The following CHST4 variants were observed in gnomAD, a reference collection of about 807,000 sequenced individuals.
CHST4 encodes carbohydrate sulfotransferase 4.
For missense variants in CHST4, 466 were observed against 506.0 expected (o/e 0.92, Z 0.76); for synonymous variants, 171 against 195.5 (o/e 0.87, Z 1.05).
chr16:71,530,501 C>T (rs562208446), intron 1 of CHST4, among the ~76,000 whole-genome samples: 8 of 152,186 alleles, frequency 5.3e-5, no homozygotes, highest in Non-Finnish European at 1.2e-4. Flanking sequence ...TGCGGTGGCT[C>T]ACACCTGTAA....
chr16:71,527,575 T>C (rs112144792), intron 1 of CHST4, among the ~76,000 whole-genome samples: 7,922 of 152,092 alleles, frequency 0.052, 678 homozygotes, highest in African/African-American at 0.18. Flanking sequence ...GGCGAAACCC[T>C]GTCTGTACTA....
intron 1 of CHST4, among the ~76,000 whole-genome samples, chr16:71,531,287 C>G (rs1177266507): frequency 6.6e-6 from 1 of 152,090 alleles, no homozygotes; most frequent in Non-Finnish European, 1.5e-5. Flanking sequence ...TGCCAGGGCC[C>G]AGGAGCATCT....
intron 1 of CHST4, among the ~76,000 whole-genome samples, chr16:71,530,149 TA>T (rs748094582): frequency 2.8e-4 from 40 of 142,068 alleles, no homozygotes; most frequent in Admixed American, 4.9e-4. Flanking sequence ...AAAATAAAAT[TA>T]AAAAAAAAAA....
At chr16:71,527,509 A>T (rs1011805680) in intron 1 of CHST4, among the ~76,000 whole-genome samples, 6 of 152,128 alleles carry the variant, frequency 3.9e-5, no homozygotes, top group Non-Finnish European at 8.8e-5. Context: ...CACTTTGGGA[A>T]GCTGAGGCAG....
intron 1 of CHST4, among the ~76,000 whole-genome samples, chr16:71,528,039 A>G (rs2043920847): frequency 6.6e-6 from 1 of 152,030 alleles, no homozygotes; most frequent in African/African-American, 2.4e-5. Context: ...TCACAGCACT[A>G]TTAGGAGACT....
In CHST4 at chr16:71,536,750, C is replaced by T. The variant is rs376647915; in HGVS notation, c.73C>T (p.His25Tyr). Residue 25 changes from histidine (H) to tyrosine (Y), a missense_variant, in exon 2 of 2, where the codon CAC (histidine) becomes TAC (tyrosine). By Grantham distance (83) the His-to-Tyr change is moderately conservative. Transcript: ENST00000539698. The part of the protein sequence containing the change: ...SQMAILALFF[H>Y]MYSHNISSLS... ...GATGGCCATCTTGGCTCTATTCTTC[C>T]ACATGTACAGCCACAACATCAGCTC... The T allele has an allele frequency of 7.5e-5, 113 of 1,506,188 alleles. 1 individual carries two copies. Among genetic ancestry groups the T allele is most frequent in the Non-Finnish European group, 5.2e-5 (59 of 1,128,664 alleles). The allele number at this position is 1,506,188 out of a possible 1,614,324, so 93.3% of individuals were successfully genotyped here.
At position 71,530,358 on chromosome 16, in the gene CHST4, G is replaced by T. The variant is rs560214717; in HGVS notation, c.-19+3863G>T. Among the ~76,000 whole-genome samples the T allele has an allele frequency of 2.6e-4, 40 of 152,332 alleles. 2 individuals carry two copies. In the South Asian group the frequency reaches 8.3e-3, roughly 32 times the overall value. ...ACAGAAGGGAGTGACAGGAAATCAA[G>T]ACCAGGCCATGAAGGACCCCAGGTG... On this transcript the variant is annotated intron_variant, in intron 1 of 1. Transcript: ENST00000539698.
chr16:71,529,757 C>G (rs1219760684), intron 1 of CHST4, among the ~76,000 whole-genome samples: 2 of 151,920 alleles, frequency 1.3e-5, no homozygotes, highest in Non-Finnish European at 2.9e-5. Flanking sequence ...ACAGCCTTTC[C>G]CTTAAGCTAT....
At chr16:71,533,012 A>G (rs532265876) in intron 1 of CHST4, among the ~76,000 whole-genome samples, 65 of 152,340 alleles carry the variant, frequency 4.3e-4, no homozygotes, top group African/African-American at 1.5e-3. Context: ...AGCACAGAAC[A>G]GATAACTTGA....
At chr16:71,536,291 G>A (rs1423683371) in intron 1 of CHST4, among the ~76,000 whole-genome samples, 2 of 152,186 alleles carry the variant, frequency 1.3e-5, no homozygotes, top group African/African-American at 2.4e-5. Flanking sequence ...CTGAGGTGAC[G>A]CCTCCCCTGG....
chr16:71,535,871 C>T (rs1383861547), intron 1 of CHST4, among the ~76,000 whole-genome samples: 2 of 152,180 alleles, frequency 1.3e-5, no homozygotes, highest in African/African-American at 2.4e-5. Flanking sequence ...GCCTTGGTCC[C>T]ATGGGATGAC....
chr16:71,535,304 C>T (rs2043979263), intron 1 of CHST4, among the ~76,000 whole-genome samples: 1 of 152,142 alleles, frequency 6.6e-6, no homozygotes, highest in East Asian at 1.9e-4. Flanking sequence ...TCCCAAGTAG[C>T]TGGGACTATA....
chr16:71,529,729 G>A (rs769660983), intron 1 of CHST4, among the ~76,000 whole-genome samples: 7 of 151,918 alleles, frequency 4.6e-5, no homozygotes, highest in Admixed American at 6.6e-5. Flanking sequence ...TGTTATGTAC[G>A]TGTAAGTAAG....
intron 1 of CHST4, among the ~76,000 whole-genome samples, chr16:71,533,515 C>T (rs1298917483): frequency 6.6e-6 from 1 of 151,482 alleles, no homozygotes; most frequent in Non-Finnish European, 1.5e-5. Flanking sequence ...TGGAAGTAGA[C>T]TTTTCACTGT....
intron 1 of CHST4, among the ~76,000 whole-genome samples, chr16:71,528,606 C>T (rs530211437): frequency 6.6e-6 from 1 of 152,232 alleles, no homozygotes; most frequent in East Asian, 1.9e-4. Flanking sequence ...GTGAGGATGC[C>T]AGTTTCCCCA....
Position 71,536,650 on chromosome 16 carries a change from T to C in CHST4, c.-18-10T>C. The C allele has an allele frequency of 1.4e-6, 2 of 1,392,974 alleles. No homozygotes were observed. Among genetic ancestry groups the C allele is most frequent in the South Asian group, 4.3e-5 (2 of 46,828 alleles). 86.3% of individuals were successfully genotyped at this position (1,392,974 alleles called of 1,614,324 possible). ...AGCCCAACTCCACCCTTTCTGTTTG[T>C]TCCTTAAAGGTCTTCCACTTCAGCA... On this transcript the variant is annotated splice_polypyrimidine_tract_variant and intron_variant, in intron 1 of 1. Coordinates refer to ENST00000539698, the MANE Select transcript of CHST4 (RefSeq NM_001166395.2).
intron 1 of CHST4, among the ~76,000 whole-genome samples, chr16:71,530,443 A>T (rs1157609536): frequency 6.6e-6 from 1 of 152,136 alleles, no homozygotes; most frequent in Non-Finnish European, 1.5e-5. Flanking sequence ...AAGGATTTTT[A>T]AGCAGGAAGT....
chr16:71,536,560 G>C (rs2145207620), intron 1 of CHST4, 100 bp from the exon 2 acceptor site: 1 of 780,384 alleles, frequency 1.3e-6, no homozygotes, highest in Non-Finnish European at 1.8e-6. Context: ...GTTGCTCCTT[G>C]GTAGGGGGTC....
Position 71,537,940 on chromosome 16 carries a change from G to C in CHST4, c.*102G>C, listed in dbSNP as rs1307825866. 3 of 1,074,728 alleles carry C rather than the reference G, an allele frequency of 2.8e-6. No individual in the cohort carries two copies. In the Admixed American group the frequency reaches 7.4e-5, roughly 26 times the overall value. 66.6% of individuals were successfully genotyped at this position (1,074,728 alleles called of 1,614,324 possible). The stretch of plus-strand genomic sequence containing the variant: ...ATCTCTGAGCCTTAACTACATGTCT[G>C]TGGGTATCACACTGAGTGTGAGTTG... On this transcript the variant is annotated 3_prime_UTR_variant, in exon 2 of 2. Transcript: ENST00000539698. This position sits in a 1 kb window ranked among gnomAD's most constrained non-coding sequence, Gnocchi z 4.2.
Sources: allele counts gnomAD v4.1 joint callset (sites outside exome capture counted in the v4.1 genomes callset), GRCh38; gene constraint gnomAD v4.1.1; non-coding constraint Gnocchi (gnomAD v3.1); transcripts MANE v1.5; gene names NCBI Gene and HGNC (gene_info 2026-07-23, HGNC 2026-07-21).